The following ZNF717 variants were observed in gnomAD, a reference collection of about 807,000 sequenced individuals.
The protein encoded by ZNF717 is zinc finger protein 717, also known as krueppel-like factor X17.
A neutral mutation model predicts 13.8 loss-of-function variants in ZNF717; 9 were observed. The ratio of observed to expected loss-of-function variants is 0.65; its 90% CI spans 0.39 to 1.14. The LOEUF (loss-of-function observed/expected upper bound fraction) is 1.14, where lower values mean the gene tolerates loss of function less well. Ranked by LOEUF, ZNF717 falls within the 50% of genes most tolerant of loss-of-function variation. The pLI is 0.01. For synonymous variants in ZNF717, 327 were observed against 364.1 expected, an observed-to-expected ratio of 0.90 and a Z score of 1.16; for missense variants, 1,040 against 1,080.7, an observed-to-expected ratio of 0.96 and a Z score of 0.53.
intron 2 of ZNF717, among the ~76,000 whole-genome samples, chr3:75,742,995 C>T (rs11711776): frequency 0.36 from 53,668 of 149,570 alleles, 6,329 homozygotes; most frequent in Non-Finnish European, 0.4. Context: ...ACACAGAAAC[C>T]TGATATTGGC....
chr3:75,770,933 GAAGA>G (rs1943832464), intron 2 of ZNF717, among the ~76,000 whole-genome samples: 1 of 152,204 alleles, frequency 6.6e-6, no homozygotes, highest in South Asian at 2.1e-4. Flanking sequence ...AAGCTGTTGA[GAAGA>G]AAGGAGAATT....
intron 4 of ZNF717, among the ~76,000 whole-genome samples, chr3:75,718,652 T>A (rs1938110354): frequency 6.6e-6 from 1 of 152,120 alleles, no homozygotes; most frequent in African/African-American, 2.4e-5. Context: ...AGGATGAAAT[T>A]TTTCCACCTC....
intron 4 of ZNF717, among the ~76,000 whole-genome samples, chr3:75,719,573 T>G (rs4293725): frequency 0.41 from 62,270 of 151,308 alleles, 13,051 homozygotes; most frequent in South Asian, 0.6. Context: ...TGATTAACAG[T>G]GAGATGCCAT....
exon 6 of ZNF717, chr3:75,730,579 A>G (rs1293767587): frequency 2.9e-6 from 2 of 700,614 alleles, no homozygotes; most frequent in African/African-American, 1.7e-5. Flanking sequence ...CCAATTGACA[A>G]TTGGGAATAC....
chr3:75,762,176 T>C (rs186693980), intron 2 of ZNF717, among the ~76,000 whole-genome samples: 2 of 152,244 alleles, frequency 1.3e-5, no homozygotes, highest in African/African-American at 4.8e-5. Context: ...TGGTGGCTCA[T>C]GCCTGCAATC....
At chr3:75,764,077 C>T (rs1020203564) in intron 2 of ZNF717, among the ~76,000 whole-genome samples, 1 of 152,216 alleles carries the variant, frequency 6.6e-6, no homozygotes, top group African/African-American at 2.4e-5. Flanking sequence ...AGACCCTACA[C>T]AGGATTCCCA....
intron 2 of ZNF717, among the ~76,000 whole-genome samples, chr3:75,746,050 T>C (rs1399872003): frequency 2.6e-5 from 4 of 151,742 alleles, no homozygotes; most frequent in Non-Finnish European, 5.9e-5. Context: ...CAAGCCCCGG[T>C]GTGTGATGTT....
At chr3:75,781,009 T>A (rs1341126690) in intron 2 of ZNF717, among the ~76,000 whole-genome samples, 773 of 149,090 alleles carry the variant, frequency 5.2e-3, no homozygotes, top group African/African-American at 0.019. Context: ...ATGGTAATAG[T>A]GACACCAGTG....
At chr3:75,714,973 T>C (rs1427175861) in intron 5 of ZNF717, among the ~76,000 whole-genome samples, 2 of 152,220 alleles carry the variant, frequency 1.3e-5, no homozygotes, top group Non-Finnish European at 2.9e-5. Flanking sequence ...ATCTTATGGT[T>C]CTTTTATTTT....
intron 4 of ZNF717, among the ~76,000 whole-genome samples, chr3:75,719,278 C>T (rs1388136078): frequency 3.1e-5 from 4 of 130,440 alleles, no homozygotes; most frequent in African/African-American, 9.1e-5. Flanking sequence ...GAGTGTCACC[C>T]TGTCTCAAAA....
rs1379500147 is a variant in ZNF717, at chr3:75,736,242, T to G, written c.*636A>C. ...AGATACAACAATGAAATTAGGCCACTTCACTCTGCAGTGGCCACCATGTGT... is the reference window on the plus strand; with the variant it reads ...AGATACAACAATGAAATTAGGCCACGTCACTCTGCAGTGGCCACCATGTGT... On this transcript the variant is annotated 3_prime_UTR_variant, in exon 5 of 5. Transcript: ENST00000652011. The G allele has an allele frequency of 6.6e-6, 1 of 152,344 alleles. No homozygotes were observed. The highest frequency in any genetic ancestry group is 6.5e-5 in the Admixed American group (1 of 15,294). The allele number at this position is 152,344 out of a possible 1,614,324, so 9.4% of individuals were successfully genotyped here. A position where few individuals can be genotyped will look rare whatever the true frequency, so the allele number is the denominator to read the frequency against.
Position 75,738,811 on chromosome 3 carries a change from G to A in ZNF717, c.812C>T (p.Thr271Ile). The A allele has an allele frequency of 1.9e-6, 3 of 1,552,482 alleles. No homozygotes were observed. Among genetic ancestry groups the A allele is most frequent in the Non-Finnish European group, 2.6e-6 (3 of 1,147,578 alleles). The change falls in exon 5 of 5, where the codon ACT becomes ATT. Residue 271 changes from threonine (T) to isoleucine (I), a missense_variant. Thr to Ile is a moderately conservative substitution (Grantham distance 89). This residue lies in a region of ZNF717 where 873 missense variants were observed against 832.8 expected (regional missense o/e 1.05). Transcript: ENST00000652011. Reference sequence around the variant, plus strand: ...TCCTGTGTGTGTCTGCTGATGTTTAGTGAAGTCAGACTTTCTACAGCAAGT... The same window carrying A: ...TCCTGTGTGTGTCTGCTGATGTTTAATGAAGTCAGACTTTCTACAGCAAGT... ...QPTCCRKSDF[T>I]KHQQTHTGEK...
In ZNF717 at chr3:75,739,070, T is replaced by C. The variant is rs771605117; in HGVS notation, c.553A>G (p.Ile185Val). The change falls in exon 5 of 5, where the codon ATA (isoleucine) becomes GTA (valine). Residue 185 changes from isoleucine (I) to valine (V), a missense_variant. This residue lies in a region of ZNF717 where 873 missense variants were observed against 832.8 expected (regional missense o/e 1.05). Transcript: ENST00000652011. ...QSGEKPHVCD[I>V]TRRSHRHHEH... ...TGATGTCTGTGGGATCTCCTGGTTA[T>C]ATCACAGACATGAGGTTTCTCTCCA... The C allele has an allele frequency of 1.4e-4, 220 of 1,551,626 alleles. 1 individual carries two copies. In the African/African-American group the frequency reaches 1.8e-3, roughly 13 times the overall value.
chr3:75,706,236 G>A (rs1469054548), downstream of ZNF717, among the ~76,000 whole-genome samples: 2 of 152,406 alleles, frequency 1.3e-5, no homozygotes, highest in African/African-American at 4.8e-5. Context: ...GGATAATTTA[G>A]ACTTTGAGGA....
chr3:75,731,394 A>G (rs1213348984), downstream of ZNF717, among the ~76,000 whole-genome samples: 1 of 152,054 alleles, frequency 6.6e-6, no homozygotes, highest in African/African-American at 2.4e-5. Context: ...AAAAAATAAA[A>G]TAATAATAAT....
At chr3:75,731,308 T>C (rs1404919883), downstream of ZNF717, among the ~76,000 whole-genome samples, 4 of 152,166 alleles carry the variant, frequency 2.6e-5, no homozygotes, top group Admixed American at 1.3e-4. Context: ...ACCTGGGAGG[T>C]GGAGGTTGCA....
At chr3:75,745,209 A>G (rs369221920) in intron 2 of ZNF717, among the ~76,000 whole-genome samples, 1 of 144,718 alleles carries the variant, frequency 6.9e-6, no homozygotes, top group East Asian at 2.1e-4. Flanking sequence ...ATTTATTTTT[A>G]ATTGACATAT....
chr3:75,725,372 C>A (rs1282271372), downstream of ZNF717, among the ~76,000 whole-genome samples: 11 of 152,318 alleles, frequency 7.2e-5, no homozygotes, highest in South Asian at 2.3e-3. Flanking sequence ...CTCCTGTTCA[C>A]AAATCTAACC....
chr3:75,727,979 G>T (rs1204485577), downstream of ZNF717, among the ~76,000 whole-genome samples: 1 of 152,220 alleles, frequency 6.6e-6, no homozygotes, highest in African/African-American at 2.4e-5. Context: ...AAAATAGAAA[G>T]AACCTACATT....
Sources: allele counts gnomAD v4.1 joint callset (sites outside exome capture counted in the v4.1 genomes callset), GRCh38; gene constraint gnomAD v4.1.1; regional missense constraint gnomAD v4.1.1; transcripts MANE v1.5; gene names NCBI Gene and HGNC (gene_info 2026-07-23, HGNC 2026-07-21).